C19orf44: variants seen among roughly 807,000 people sequenced by gnomAD.
C19orf44 encodes uncharacterized protein C19orf44.
A neutral mutation model predicts 50.7 loss-of-function variants in C19orf44; 43 were observed. That is an observed-to-expected ratio of 0.85 (90% confidence interval 0.66 to 1.09). The LOEUF (loss-of-function observed/expected upper bound fraction) is 1.09, where lower values mean the gene tolerates loss of function less well. C19orf44 is among the 50% of genes least tolerant of loss of function. The probability of loss-of-function intolerance (pLI) is 0.00; values close to 1 mark genes in which losing one functional copy is unlikely to be tolerated. For synonymous variants in C19orf44, 298 were observed against 334.7 expected (o/e 0.89, Z 1.20); for missense variants, 722 against 836.2 (o/e 0.86, Z 1.68).
chr19:16,513,585 T>G (rs2093463698), intron 6 of C19orf44, among the ~76,000 whole-genome samples: 1 of 152,162 alleles, frequency 6.6e-6, no homozygotes, highest in Non-Finnish European at 1.5e-5. Context: ...GGTTTCTCCA[T>G]GTTGGCCAGG....
chr19:16,510,358 G>A (rs936487508), intron 5 of C19orf44, among the ~76,000 whole-genome samples: 3 of 152,120 alleles, frequency 2.0e-5, no homozygotes, highest in Admixed American at 6.6e-5. Flanking sequence ...CTGAGATGAT[G>A]CCCCTGCACT....
intron 2 of C19orf44, among the ~76,000 whole-genome samples, chr19:16,502,824 CAA>C (rs200824240): frequency 3.4e-4 from 42 of 122,808 alleles, no homozygotes; most frequent in Non-Finnish European, 3.2e-4. Context: ...CCCATTCCTA[CAA>C]AAAAAAAAAA....
In C19orf44 at chr19:16,501,525, G is replaced by A. The variant is rs367856596; in HGVS notation, c.733G>A (p.Glu245Lys). The A allele has an allele frequency of 2.5e-5, 35 of 1,427,090 alleles. No homozygotes were observed. Among genetic ancestry groups the A allele is most frequent in the Non-Finnish European group, 3.0e-5 (32 of 1,083,514 alleles). The allele number at this position is 1,427,090 out of a possible 1,614,324, so 88.4% of individuals were successfully genotyped here. A position where few individuals can be genotyped will look rare whatever the true frequency, so the allele number is the denominator to read the frequency against. ...AGGCTTCAGCAGCGCTAACGTCAGC[G>A]AGGAAGAAGAAAGAAAACTATTTTC... Reference protein sequence around the residue: ...NQGFSSANVSEEEERKLFSVP... With the variant: ...NQGFSSANVSKEEERKLFSVP... The change falls in exon 2 of 9, where the codon GAG becomes AAG. Residue 245 changes from glutamate to lysine, a missense_variant. Transcript: ENST00000221671.
chr19:16,503,149 T>C lies in C19orf44; in HGVS notation c.844T>C (p.Ser282Pro). The change falls in exon 3 of 9, where the codon TCC becomes CCC. Residue 282 changes from serine to proline, a missense_variant. Transcript: ENST00000221671. ...TTCTCAGACATCACACCTGCCAACC[T>C]CCCTGGCAGCAGACAGAACCCTTCA... ...KPSQTSHLPT[S>P]LAADRTLHST... The C allele has an allele frequency of 6.2e-7, 1 of 1,613,982 alleles. No individual in the cohort carries two copies. Among genetic ancestry groups the C allele is most frequent in the East Asian group, 2.2e-5 (1 of 44,886 alleles).
At position 16,520,181 on chromosome 19, in the gene C19orf44, T is replaced by G. The variant is rs1434150626; in HGVS notation, c.*128T>G. On this transcript the variant is annotated 3_prime_UTR_variant, in exon 9 of 9. Coordinates refer to ENST00000221671, the MANE Select transcript of C19orf44 (RefSeq NM_032207.4). This position sits in a 1 kb window ranked among gnomAD's most constrained non-coding sequence, Gnocchi z 4.0. ...TGGGGCTCCTGGACCGTGACCGGCG[T>G]CTTCTTCCTGGGGAGTACGACTTGG... The G allele has an allele frequency of 1.9e-6, 3 of 1,612,504 alleles. No homozygotes were observed. Among genetic ancestry groups the G allele is most frequent in the Admixed American group, 1.7e-5 (1 of 59,978 alleles).
chr19:16,516,976 A>G (rs1441787899), intron 7 of C19orf44, among the ~76,000 whole-genome samples: 1 of 152,146 alleles, frequency 6.6e-6, no homozygotes, highest in African/African-American at 2.4e-5. Flanking sequence ...CCCTGATCTC[A>G]GCCACTCCAA....
intron 7 of C19orf44, among the ~76,000 whole-genome samples, chr19:16,516,960 G>A (rs377398712): frequency 3.3e-5 from 5 of 152,268 alleles, no homozygotes; most frequent in East Asian, 1.9e-4. Flanking sequence ...TGCTCCAGGC[G>A]CTTCTCCCTG....
chr19:16,520,321 AG>A lies in C19orf44; in HGVS notation c.*270del, dbSNP rs1286075093. On this transcript the variant is annotated 3_prime_UTR_variant, in exon 9 of 9. Transcript: ENST00000221671. The surrounding 1 kb of genome is among the most constrained non-coding windows in gnomAD (Gnocchi z 4.0). Reference sequence around the variant, plus strand: ...CAGCCAGGCGTCGTGGGGAGGCCACAGGAAGAGGCCTCAGGCACTGCCCTGA... The same window carrying A: ...CAGCCAGGCGTCGTGGGGAGGCCACAGAAGAGGCCTCAGGCACTGCCCTGA... The A allele has an allele frequency of 6.2e-7, 1 of 1,610,818 alleles. No individual in the cohort carries two copies.
chr19:16,508,500 T>C (rs2093446824), intron 4 of C19orf44, among the ~76,000 whole-genome samples: 1 of 151,920 alleles, frequency 6.6e-6, no homozygotes, highest in Non-Finnish European at 1.5e-5. Flanking sequence ...CAAGCAATCC[T>C]GCCCAGCCTC....
rs2122237487 is a variant in C19orf44, at chr19:16,519,433, G to A, written c.*41-661G>A. On this transcript the variant is annotated intron_variant, in intron 8 of 8. Transcript: ENST00000221671. The surrounding 1 kb of genome is among the most constrained non-coding windows in gnomAD (Gnocchi z 6.0). ...CGTGGGGGGCTGAATGTCCAGACAG[G>A]CAGTGTAGACATGGGAAATGGGTAG... 2 of 1,452,430 alleles carry A rather than the reference G, an allele frequency of 1.4e-6. No individual in the cohort carries two copies. Among genetic ancestry groups the A allele is most frequent in the South Asian group, 1.2e-5 (1 of 81,582 alleles). The allele number at this position is 1,452,430 out of a possible 1,614,324, so 90.0% of individuals were successfully genotyped here.
chr19:16,510,545 A>C (rs1328402980), intron 5 of C19orf44, among the ~76,000 whole-genome samples: 1 of 152,130 alleles, frequency 6.6e-6, no homozygotes, highest in Non-Finnish European at 1.5e-5. Context: ...AGCACCTCCC[A>C]CAGGATGATT....
rs2085594948 is a variant in C19orf44 at position 16,520,077 on chromosome 19, T to C, written c.*41-17T>C. On this transcript the variant is annotated splice_polypyrimidine_tract_variant and intron_variant, in intron 8 of 8. Transcript: ENST00000221671. The surrounding 1 kb of genome is among the most constrained non-coding windows in gnomAD (Gnocchi z 4.0). ...CCTAACACAGTCTCCTAACCACCAA[T>C]GTTTCCACATTCACAGCAAAGCACC... 3 of 1,484,664 alleles carry C rather than the reference T, an allele frequency of 2.0e-6. No individual in the cohort carries two copies. The highest frequency in any genetic ancestry group is 2.8e-6 in the Non-Finnish European group (3 of 1,072,144). 92.0% of individuals were successfully genotyped at this position (1,484,664 alleles called of 1,614,324 possible).
intron 3 of C19orf44, among the ~76,000 whole-genome samples, chr19:16,505,785 G>A (rs893406366): frequency 3.3e-5 from 5 of 151,788 alleles, no homozygotes; most frequent in Non-Finnish European, 7.4e-5. Context: ...GGGTTCAAGC[G>A]ATTTTCCTGC....
rs1206044156 is a variant in C19orf44 at position 16,500,851 on chromosome 19, A to C, written c.59A>C (p.Asp20Ala). 1.1e-5 allele frequency: 17 copies of C among 1,610,056 alleles called. No homozygotes were observed. The highest frequency in any genetic ancestry group is 1.4e-5 in the Non-Finnish European group (17 of 1,178,924). Residue 20 changes from aspartate (D) to alanine (A), a missense_variant, in exon 2 of 9, where the codon GAT (aspartate) becomes GCT (alanine). Asp to Ala is a moderately radical substitution (Grantham distance 126). Transcript: ENST00000221671. Reference protein sequence around the residue: ...PMRDVFGDFSDVSLEDSTMEE... With the variant: ...PMRDVFGDFSAVSLEDSTMEE... ...CGTGATGTTTTTGGTGACTTCAGTG[A>C]TGTTTCCTTGGAAGATTCAACAATG...
rs776181250 is a variant in C19orf44 at position 16,520,157 on chromosome 19, G to A, written c.*104G>A. On this transcript the variant is annotated 3_prime_UTR_variant, in exon 9 of 9. Coordinates refer to ENST00000221671, the MANE Select transcript of C19orf44 (RefSeq NM_032207.4). This position sits in a 1 kb window ranked among gnomAD's most constrained non-coding sequence, Gnocchi z 4.0. Reference sequence around the variant, plus strand: ...TTAAGACAGGATCTTACGGCGGGGTGGGGCTCCTGGACCGTGACCGGCGTC... The same window carrying A: ...TTAAGACAGGATCTTACGGCGGGGTAGGGCTCCTGGACCGTGACCGGCGTC... 16 of 1,612,004 alleles carry A rather than the reference G, an allele frequency of 9.9e-6. No homozygotes were observed. Among genetic ancestry groups the A allele is most frequent in the Non-Finnish European group, 1.3e-5 (15 of 1,179,650 alleles).
Position 16,506,834 on chromosome 19 carries a change from T to A in C19orf44, c.1149+60T>A, listed in dbSNP as rs976944268. ...GTTTTTGGCTTCAACATTTTTTTTTTTAAATTTTTAAAAAATTTAAAAATT... is the reference window on the plus strand; with the variant it reads ...GTTTTTGGCTTCAACATTTTTTTTTATAAATTTTTAAAAAATTTAAAAATT... On this transcript the variant is annotated intron_variant, in intron 4 of 8. Transcript: ENST00000221671. 302 of 1,294,598 alleles carry A rather than the reference T, an allele frequency of 2.3e-4. 1 individual carries two copies. The highest frequency in any genetic ancestry group is 4.8e-4 in the Middle Eastern group (2 of 4,200). The allele number at this position is 1,294,598 out of a possible 1,614,324, so 80.2% of individuals were successfully genotyped here.
intron 6 of C19orf44, among the ~76,000 whole-genome samples, chr19:16,514,073 T>C (rs530684840): frequency 1.3e-5 from 2 of 151,952 alleles, no homozygotes; most frequent in African/African-American, 2.4e-5. Context: ...CTGCAACATC[T>C]GCCTCCCAGG....
chr19:16,517,209 G>A, intron 7 of C19orf44, 21 bp from the exon 8 acceptor site: 2 of 1,610,340 alleles, frequency 1.2e-6, no homozygotes, highest in Non-Finnish European at 8.5e-7. Flanking sequence ...GTGATGGCGT[G>A]GTCTGTTCTC....
intron 1 of C19orf44, among the ~76,000 whole-genome samples, chr19:16,498,123 T>C (rs1306032453): frequency 3.3e-5 from 5 of 152,064 alleles, no homozygotes; most frequent in Admixed American, 3.3e-4. Context: ...AACAAAACTA[T>C]TACGAACATT....
Sources: allele counts gnomAD v4.1 joint callset (sites outside exome capture counted in the v4.1 genomes callset), GRCh38; gene constraint gnomAD v4.1.1; non-coding constraint Gnocchi (gnomAD v3.1); transcripts MANE v1.5; gene names NCBI Gene and HGNC (gene_info 2026-07-23, HGNC 2026-07-21).